Variants in ENOX2 observed in about 807,000 individuals in gnomAD.
ENOX2 encodes the protein APK1 antigen.
ENOX2 carries 36 observed loss-of-function variants against 45.0 expected under a neutral mutation model. That is an observed-to-expected ratio of 0.80 (90% CI 0.61 to 1.06). ENOX2 has a LOEUF of 1.06. ENOX2 is among the 50% of genes least tolerant of loss of function. ENOX2 has a pLI of 0.00. For synonymous variants in ENOX2, 174 were observed against 152.3 expected, an observed-to-expected ratio of 1.14 and a Z score of -1.05; for missense variants, 423 against 462.5, an observed-to-expected ratio of 0.91 and a Z score of 0.78.
intron 2 of ENOX2, among the ~76,000 whole-genome samples, chrX:130,875,956 T>C (rs965530924): frequency 8.9e-6 from 1 of 111,931 alleles, no homozygotes; most frequent in African/African-American, 3.2e-5. Context: ...CAATAATAAG[T>C]GTTGACAAGA....
intron 5 of ENOX2, among the ~76,000 whole-genome samples, chrX:130,682,583 CAAAAAAAA>C (rs55875735): frequency 9.7e-3 from 141 of 14,605 alleles, no homozygotes; most frequent in African/African-American, 0.028. Flanking sequence ...GACTCCGTCT[CAAAAAAAA>C]AAAAAAAAAA....
intron 3 of ENOX2, among the ~76,000 whole-genome samples, chrX:130,754,230 A>G (rs751930485): frequency 8.9e-6 from 1 of 112,261 alleles, no homozygotes; most frequent in Admixed American, 9.4e-5. Context: ...ACAAAAAAGA[A>G]GCTGAAGTAT....
chrX:130,625,059 T>C lies in ENOX2; in HGVS notation c.*255A>G, dbSNP rs1309407931. 6.5e-6 allele frequency: 2 copies of C among 307,862 alleles called. No individual in the cohort carries two copies. Among genetic ancestry groups the C allele is most frequent in the Non-Finnish European group, 1.1e-5 (2 of 175,847 alleles). The allele number at this position is 307,862 out of a possible 1,213,427, so 25.4% of individuals were successfully genotyped here. ...AAATACTGTTTAGCATCAGGACTTT[T>C]GCAATATTTAAAGACAACCAATTGA... On this transcript the variant is annotated 3_prime_UTR_variant, in exon 15 of 15. Coordinates refer to ENST00000394363, the MANE Select transcript of ENOX2 (RefSeq NM_006375.4).
rs1473096136 is a variant in ENOX2 at position 130,679,726 on chromosome X, T to G, written c.276A>C (p.Arg92=). 8.3e-7 allele frequency: 1 copy of G among 1,209,240 alleles called. No individual in the cohort carries two copies. The highest frequency in any genetic ancestry group is 1.1e-6 in the Non-Finnish European group (1 of 894,221). ...CTGTTTTGCATCCTGGTGGTCTTTC[T>G]CGGGTTGCAGGAGGTGGGAGATCTA... ...PNPNLPPPAT[R]ERPPGCKTVF... is the part of the protein sequence containing the mutation. Residue 92 remains arginine (R), a synonymous_variant, in exon 6 of 15, where the codon CGA becomes CGC. Coordinates refer to ENST00000394363, the MANE Select transcript of ENOX2 (RefSeq NM_006375.4).
intron 3 of ENOX2, among the ~76,000 whole-genome samples, chrX:130,781,277 T>C (rs1214425941): frequency 8.9e-6 from 1 of 111,934 alleles, no homozygotes; most frequent in African/African-American, 3.2e-5. Context: ...TAAGCAAATA[T>C]TGAACAAGAT....
intron 4 of ENOX2, among the ~76,000 whole-genome samples, chrX:130,691,209 CT>C (rs1216817990): frequency 9.0e-6 from 1 of 111,156 alleles, no homozygotes; most frequent in East Asian, 2.8e-4. Flanking sequence ...CCTCTATTTC[CT>C]TTTTGGTAAA....
At chrX:130,742,245 CTTTTTT>C (rs67776619) in intron 3 of ENOX2, among the ~76,000 whole-genome samples, 15 of 60,141 alleles carry the variant, frequency 2.5e-4, no homozygotes, top group African/African-American at 8.4e-4. Context: ...AGATAATTTC[CTTTTTT>C]TTTTTTTTTT....
chrX:130,848,025 G>GTTGTTT (rs761665699), intron 2 of ENOX2, among the ~76,000 whole-genome samples: 13 of 111,715 alleles, frequency 1.2e-4, no homozygotes, highest in African/African-American at 3.2e-4. Flanking sequence ...TTTTTTTGTT[G>GTTGTTT]TTGTTTTTGT....
rs1220418469 is a variant in ENOX2, at chrX:130,780,408, A to T, written c.-39+3139T>A. Among the ~76,000 whole-genome samples, 10 of 111,948 alleles carry T rather than the reference A, an allele frequency of 8.9e-5. No individual in the cohort carries two copies. In the Admixed American group the frequency reaches 9.5e-4, roughly 11 times the overall value. On this transcript the variant is annotated intron_variant, in intron 3 of 14. Coordinates refer to ENST00000394363, the MANE Select transcript of ENOX2 (RefSeq NM_006375.4). ...ACTTTGGAGTTAGAGGCCTGGGTAA[A>T]CCACTTGCTAGACATTCAACTTTGG...
At chrX:130,788,868 G>A (rs2077003655) in intron 2 of ENOX2, among the ~76,000 whole-genome samples, 1 of 112,034 alleles carries the variant, frequency 8.9e-6, no homozygotes, top group Non-Finnish European at 1.9e-5. Context: ...AATAAACACT[G>A]GTGTTACAGA....
chrX:130,861,984 T>C (rs2078417137), intron 2 of ENOX2, among the ~76,000 whole-genome samples: 1 of 111,580 alleles, frequency 9.0e-6, no homozygotes, highest in Non-Finnish European at 1.9e-5. Flanking sequence ...ACCAATAAAG[T>C]GGTTTAAACA....
At chrX:130,651,422 C>T (rs1249147431) in intron 10 of ENOX2, among the ~76,000 whole-genome samples, 1 of 112,330 alleles carries the variant, frequency 8.9e-6, no homozygotes, top group East Asian at 2.8e-4. Context: ...GTTCACTAAG[C>T]TAGTTCATTA....
Position 130,722,874 on chromosome X carries a change from T to C in ENOX2, c.-38-19620A>G, listed in dbSNP as rs978188499. Among the ~76,000 whole-genome samples the C allele has an allele frequency of 5.3e-5, 6 of 112,414 alleles. No homozygotes were observed. In the East Asian group the frequency reaches 8.4e-4, roughly 16 times the overall value. ...TAAAGATAAGGGGCTACACTTGGTA[T>C]GTAGTAGGTACTCAATGAGAACTGA... is the stretch of plus-strand genomic sequence containing the variant. On this transcript the variant is annotated intron_variant, in intron 3 of 14. Coordinates refer to ENST00000394363, the MANE Select transcript of ENOX2 (RefSeq NM_006375.4).
At chrX:130,866,660 C>T (rs1273117433) in intron 2 of ENOX2, among the ~76,000 whole-genome samples, 1 of 111,618 alleles carries the variant, frequency 9.0e-6, no homozygotes, top group Non-Finnish European at 1.9e-5. Flanking sequence ...TCAAGTCTCT[C>T]GTTCCGACAA....
At chrX:130,660,295 G>C (rs1331833029) in intron 9 of ENOX2, among the ~76,000 whole-genome samples, 1 of 112,020 alleles carries the variant, frequency 8.9e-6, no homozygotes, top group Non-Finnish European at 1.9e-5. Context: ...CTATACTAAA[G>C]TAAGCTTATG....
chrX:130,688,437 C>T (rs1040981530), intron 5 of ENOX2, among the ~76,000 whole-genome samples: 25 of 111,748 alleles, frequency 2.2e-4, no homozygotes, highest in South Asian at 1.1e-3. Flanking sequence ...AGCAGTGGTT[C>T]GAGTGATGTA....
At chrX:130,896,874 G>C (rs2079064849) in intron 2 of ENOX2, among the ~76,000 whole-genome samples, 1 of 111,819 alleles carries the variant, frequency 8.9e-6, no homozygotes, top group African/African-American at 3.3e-5. Flanking sequence ...CGTTATTGTA[G>C]AGAAAATCAG....
chrX:130,819,300 T>C (rs1358611400), intron 2 of ENOX2, among the ~76,000 whole-genome samples: 2 of 111,882 alleles, frequency 1.8e-5, no homozygotes, highest in Non-Finnish European at 3.8e-5. Flanking sequence ...GTTCACCTAT[T>C]GTGGAAGACA....
intron 3 of ENOX2, among the ~76,000 whole-genome samples, chrX:130,723,719 C>T (rs768073535): frequency 1.8e-4 from 20 of 111,485 alleles, no homozygotes; most frequent in African/African-American, 6.2e-4. Flanking sequence ...AGGGACCCCT[C>T]CCCATTTTGT....
Sources: gnomAD v4.1 joint callset for allele counts (sites outside exome capture counted in the v4.1 genomes callset) on GRCh38, gnomAD v4.1.1 for gene constraint, MANE v1.5 for transcripts, NCBI Gene and HGNC (gene_info 2026-07-23, HGNC 2026-07-21) for gene names.